Variants in MET observed in about 807,000 individuals in gnomAD.
The protein encoded by MET is MET proto-oncogene, receptor tyrosine kinase.
A neutral mutation model predicts 133.1 loss-of-function variants in MET; 48 were observed. The ratio of observed to expected loss-of-function variants is 0.36; its 90% CI spans 0.29 to 0.46. The LOEUF (loss-of-function observed/expected upper bound fraction) is 0.46. Among genes scored for constraint, MET ranks in the 20% least tolerant of loss-of-function variants. The probability of loss-of-function intolerance (pLI) is 1.00; values close to 1 mark genes in which losing one functional copy is unlikely to be tolerated. For synonymous variants in MET, 628 were observed against 616.5 expected (o/e 1.02, Z -0.28); for missense variants, 1,442 against 1,695.9 (o/e 0.85, Z 2.63).
Position 116,731,546 on chromosome 7 carries a change from G to A in MET, c.1201-122G>A. On this transcript the variant is annotated intron_variant, in intron 2 of 20. Transcript: ENST00000397752. Reference sequence around the variant, plus strand: ...TATTTATGCCTATCTGTGGCTATTTGTCTATTTGCATGATTATCCTTGCCA... The same window carrying A: ...TATTTATGCCTATCTGTGGCTATTTATCTATTTGCATGATTATCCTTGCCA... 4.2e-6 allele frequency: 4 copies of A among 962,086 alleles called. No individual in the cohort carries two copies. The South Asian group carries it at 5.6e-5, about 13-fold the overall frequency. 59.6% of individuals were successfully genotyped at this position (962,086 alleles called of 1,614,324 possible). A position where few individuals can be genotyped will look rare whatever the true frequency, so the allele number is the denominator to read the frequency against.
At position 116,771,862 on chromosome 7, in the gene MET, A is replaced by G; in HGVS notation, c.2901A>G (p.Glu967=). ...KRKQIKDLGS[E]LVRYDARVHT... ...CTCTGTTTTAAGATCTGGGCAGTGA[A>G]TTAGTTCGCTACGATGCAAGAGTAC... is the stretch of plus-strand genomic sequence containing the variant. The change falls in exon 14 of 21, where the codon GAA becomes GAG. Residue 967 remains glutamate (E), a synonymous_variant. Transcript: ENST00000397752. 1 of 1,613,808 alleles carries G rather than the reference A, an allele frequency of 6.2e-7. No individual in the cohort carries two copies. Among genetic ancestry groups the G allele is most frequent in the Non-Finnish European group, 8.5e-7 (1 of 1,179,840 alleles).
At position 116,740,064 on chromosome 7, in the gene MET, C is replaced by G. The variant is rs1417433919; in HGVS notation, c.1507C>G (p.Leu503Val). Reference protein sequence around the residue: ...EHTLNQNGYTLVITGKKITKI... With the variant: ...EHTLNQNGYTVVITGKKITKI... ...TACATTAAACCAAAATGGCTACACA[C>G]TGGTTATCACTGGGAAGAAGGTAAG... The change falls in exon 4 of 21, where the codon CTG (leucine) becomes GTG (valine). Residue 503 changes from leucine (L) to valine (V), a missense_variant. This residue lies in a region of MET where 762 missense variants were observed against 792.4 expected (regional missense o/e 0.96). Coordinates refer to ENST00000397752, the MANE Select transcript of MET (RefSeq NM_000245.4). The G allele has an allele frequency of 7.4e-6, 12 of 1,614,094 alleles. No individual in the cohort carries two copies. Among genetic ancestry groups the G allele is most frequent in the Non-Finnish European group, 1.0e-5 (12 of 1,179,958 alleles).
chr7:116,758,950 A>T (rs1278777062), intron 9 of MET, among the ~76,000 whole-genome samples: 2 of 152,134 alleles, frequency 1.3e-5, no homozygotes, highest in African/African-American at 2.4e-5. Flanking sequence ...CCAGAAGTGG[A>T]ATTACCTTTT....
At chr7:116,771,159 A>G (rs1291603995) in intron 12 of MET, among the ~76,000 whole-genome samples, 1 of 152,158 alleles carries the variant, frequency 6.6e-6, no homozygotes, top group Non-Finnish European at 1.5e-5. Context: ...GTTTAGTCAT[A>G]CTTCTATGGT....
chr7:116,772,113 T>C lies in MET; in HGVS notation c.3028+124T>C, dbSNP rs1415917924. ...AAAACCTAAAGGAAGTATTTACCTCTGCCAAGTAAGTATTTGACACAAAAT... is the reference window on the plus strand; with the variant it reads ...AAAACCTAAAGGAAGTATTTACCTCCGCCAAGTAAGTATTTGACACAAAAT... On this transcript the variant is annotated intron_variant, in intron 14 of 20. Transcript: ENST00000397752. 22 of 1,042,940 alleles carry C rather than the reference T, an allele frequency of 2.1e-5. No individual in the cohort carries two copies. The East Asian group carries it at 3.8e-4, about 18-fold the overall frequency. 64.6% of individuals were successfully genotyped at this position (1,042,940 alleles called of 1,614,324 possible).
At chr7:116,759,836 G>A (rs1353611697) in intron 10 of MET, among the ~76,000 whole-genome samples, 2 of 152,156 alleles carry the variant, frequency 1.3e-5, no homozygotes, top group East Asian at 1.9e-4. Flanking sequence ...GAGTGCAAGG[G>A]CACGATCTCA....
At chr7:116,790,980 C>T (rs1394896281) in intron 19 of MET, among the ~76,000 whole-genome samples, 2 of 152,070 alleles carry the variant, frequency 1.3e-5, no homozygotes, top group African/African-American at 2.4e-5. Context: ...CAGGAGGCTG[C>T]GGCGGGACAG....
chr7:116,677,835 A>G (rs887845906), intron 1 of MET, among the ~76,000 whole-genome samples: 5 of 152,182 alleles, frequency 3.3e-5, no homozygotes, highest in African/African-American at 1.2e-4. Flanking sequence ...TTCTAAACTA[A>G]AGGGTAATCT....
intron 1 of MET, among the ~76,000 whole-genome samples, chr7:116,684,219 G>T (rs1345851722): frequency 1.3e-5 from 2 of 152,138 alleles, no homozygotes; most frequent in East Asian, 1.9e-4. Flanking sequence ...AATCCATATT[G>T]AATAATTCCC....
intron 3 of MET, among the ~76,000 whole-genome samples, chr7:116,739,217 C>G (rs547903136): frequency 1.4e-4 from 21 of 152,240 alleles, no homozygotes; most frequent in Middle Eastern, 3.4e-3. Flanking sequence ...AGGAACAGGA[C>G]AGATGGAAAT....
intron 2 of MET, among the ~76,000 whole-genome samples, chr7:116,714,585 T>C (rs887935416): frequency 6.6e-6 from 1 of 152,242 alleles, no homozygotes; most frequent in South Asian, 2.1e-4. Context: ...TTAGCTATTG[T>C]ACGTGTCAAT....
chr7:116,674,348 G>A (rs1796078684), intron 1 of MET, among the ~76,000 whole-genome samples: 1 of 152,038 alleles, frequency 6.6e-6, no homozygotes, highest in East Asian at 1.9e-4. Context: ...CCTTTGCTAA[G>A]CAGGAGAAAT....
chr7:116,785,928 G>A (rs1411664502), intron 19 of MET, among the ~76,000 whole-genome samples: 1 of 152,258 alleles, frequency 6.6e-6, no homozygotes, highest in Non-Finnish European at 1.5e-5. Context: ...TGCCTTGGGA[G>A]TAGAATGTCC....
chr7:116,794,213 T>C (rs931177843), intron 19 of MET, among the ~76,000 whole-genome samples: 2 of 152,228 alleles, frequency 1.3e-5, no homozygotes, highest in African/African-American at 2.4e-5. Context: ...GGGACCTATC[T>C]AGTAACTTGA....
intron 15 of MET, 102 bp downstream of exon 15, chr7:116,775,213 G>T: frequency 1.0e-6 from 1 of 1,000,748 alleles, no homozygotes; most frequent in South Asian, 1.3e-5. Context: ...GAAAGCAACT[G>T]ACAGAGCAGT....
chr7:116,736,753 C>T (rs3807996), intron 3 of MET, among the ~76,000 whole-genome samples: 8,825 of 152,226 alleles, frequency 0.058, 359 homozygotes, highest in East Asian at 0.11. Context: ...GAAAAAATAT[C>T]CTGTGACCTA....
intron 9 of MET, 183 bp from the exon 10 acceptor site, chr7:116,759,208 T>G (rs1374398138): frequency 1.2e-6 from 1 of 821,922 alleles, no homozygotes; most frequent in African/African-American, 1.7e-5. Context: ...GAAATATGCA[T>G]TTTAAAAATA....
intron 2 of MET, among the ~76,000 whole-genome samples, chr7:116,708,362 A>G (rs1052025658): frequency 1.3e-5 from 2 of 152,192 alleles, no homozygotes; most frequent in African/African-American, 4.8e-5. Flanking sequence ...ACTAATAGTC[A>G]TTACTTATTT....
intron 5 of MET, among the ~76,000 whole-genome samples, chr7:116,748,032 T>C (rs1312761234): frequency 6.6e-6 from 1 of 151,578 alleles, no homozygotes; most frequent in East Asian, 1.9e-4. Flanking sequence ...GATCACAAGG[T>C]CAGGAGATCC....
Sources: gnomAD v4.1 joint callset for allele counts (sites outside exome capture counted in the v4.1 genomes callset) on GRCh38, gnomAD v4.1.1 for gene constraint, gnomAD v4.1.1 regional missense constraint, MANE v1.5 for transcripts, NCBI Gene and HGNC (gene_info 2026-07-23, HGNC 2026-07-21) for gene names.